Variants in INSRR observed in about 807,000 individuals in gnomAD.
The protein encoded by INSRR is insulin receptor related receptor.
A neutral mutation model predicts 130.0 loss-of-function variants in INSRR; 114 were observed. The ratio of observed to expected loss-of-function variants is 0.88; its 90% CI spans 0.75 to 1.02. The LOEUF is 1.02. INSRR is among the 50% of genes least tolerant of loss of function. The probability of loss-of-function intolerance (pLI) is 0.00; values close to 1 mark genes in which losing one functional copy is unlikely to be tolerated. For synonymous variants in INSRR, 674 were observed against 705.2 expected, an observed-to-expected ratio of 0.96 and a Z score of 0.70; for missense variants, 1,657 against 1,735.2, an observed-to-expected ratio of 0.95 and a Z score of 0.80.
rs754225918 is a variant in INSRR at position 156,854,105 on chromosome 1, C to T, written c.284G>A (p.Arg95His). The T allele has an allele frequency of 3.2e-5, 51 of 1,613,980 alleles. No individual in the cohort carries two copies. The highest frequency in any genetic ancestry group is 1.6e-4 in the Middle Eastern group (1 of 6,084). Residue 95 changes from arginine (R) to histidine (H), a missense_variant, in exon 2 of 22, where the codon CGC (arginine) becomes CAC (histidine). By Grantham distance (29) the Arg-to-His change is conservative. Coordinates refer to ENST00000368195, the MANE Select transcript of INSRR (RefSeq NM_014215.3). This position sits in a 1 kb window ranked among gnomAD's most constrained non-coding sequence, Gnocchi z 4.2. ...GACTGCTAGGTTGGGGAAGAGGTCG[C>T]GCAGGCTCTCCAGTCCGTAGACACG... ...LFRVYGLESL[R>H]DLFPNLAVIR... is the part of the protein sequence containing the mutation.
intron 19 of INSRR, 97 bp downstream of exon 19, chr1:156,842,015 A>G: frequency 6.3e-7 from 1 of 1,585,742 alleles, no homozygotes; most frequent in African/African-American, 1.3e-5. Context: ...AGGGTCTCAC[A>G]GGCTGTCAGG....
chr1:156,842,973 G>T, intron 17 of INSRR, 31 bp downstream of exon 17: 4 of 1,530,628 alleles, frequency 2.6e-6, no homozygotes, highest in South Asian at 2.3e-5. Flanking sequence ...CACTAATTAT[G>T]ACCCTGACAA....
At position 156,852,207 on chromosome 1, in the gene INSRR, T is replaced by C; in HGVS notation, c.638-16A>G. ...CAGGGGCACACTGTGGGGAGAGTGG[T>C]GTGTTAGACGTTGGCCATGCCCCCT... On this transcript the variant is annotated splice_polypyrimidine_tract_variant and intron_variant, in intron 2 of 21. Transcript: ENST00000368195. 1.3e-6 allele frequency: 2 copies of C among 1,568,870 alleles called. No homozygotes were observed. Among genetic ancestry groups the C allele is most frequent in the African/African-American group, 1.3e-5 (1 of 74,426 alleles).
rs767744785 is a variant in INSRR at position 156,845,363 on chromosome 1, C to A, written c.2216+9G>T. ...CACGCCCCTCAGCACCTGCCCTAGT[C>A]CTGCTCACCTTTGGGGGCTCTTGTT... On this transcript the variant is annotated intron_variant, in intron 11 of 21. Coordinates refer to ENST00000368195, the MANE Select transcript of INSRR (RefSeq NM_014215.3). 2.1e-5 allele frequency: 33 copies of A among 1,593,030 alleles called. No individual in the cohort carries two copies. The highest frequency in any genetic ancestry group is 2.2e-5 in the Non-Finnish European group (26 of 1,168,068).
intron 1 of INSRR, among the ~76,000 whole-genome samples, chr1:156,855,329 G>A (rs1418137968): frequency 2.6e-5 from 4 of 151,996 alleles, no homozygotes; most frequent in Non-Finnish European, 5.9e-5. Flanking sequence ...TCAGCCTCCC[G>A]AGTAGCTGGG....
Position 156,845,192 on chromosome 1 carries a change from A to G in INSRR, c.2321T>C (p.Leu774Pro), listed in dbSNP as rs1253356915. The G allele has an allele frequency of 6.2e-7, 1 of 1,610,056 alleles. No individual in the cohort carries two copies. Among genetic ancestry groups the G allele is most frequent in the South Asian group, 1.1e-5 (1 of 90,338 alleles). ...TTCCGTGAAGTGGCGCAGGCCGCTC[A>G]GCACCGCTCGCTCACGGGGCACCTT... ...EDKVPRERAVLSGLRHFTEYR... is the reference protein window; with the variant it reads ...EDKVPRERAVPSGLRHFTEYR... The change falls in exon 12 of 22, where the codon CTG (leucine) becomes CCG (proline). Residue 774 changes from leucine (L) to proline (P), a missense_variant. Coordinates refer to ENST00000368195, the MANE Select transcript of INSRR (RefSeq NM_014215.3).
chr1:156,851,770 G>C lies in INSRR; in HGVS notation c.960C>G (p.Cys320Trp), dbSNP rs531765692. The C allele has an allele frequency of 3.7e-6, 6 of 1,610,614 alleles. No individual in the cohort carries two copies. Among genetic ancestry groups the C allele is most frequent in the Middle Eastern group, 1.6e-4 (1 of 6,074 alleles). The part of the protein sequence containing the change: ...RNSSSIFCHK[C>W]EGLCPKECKV... ...TGCACTCTTTAGGGCACAGCCCCTC[G>C]CACTTGTGGCAGAATATGCTAGCAG... is the stretch of plus-strand genomic sequence containing the variant. The change falls in exon 4 of 22, where the codon TGC becomes TGG. Residue 320 changes from cysteine (C) to tryptophan (W), a missense_variant. Coordinates refer to ENST00000368195, the MANE Select transcript of INSRR (RefSeq NM_014215.3).
At chr1:156,855,288 C>A (rs1227418179) in intron 1 of INSRR, among the ~76,000 whole-genome samples, 1 of 152,070 alleles carries the variant, frequency 6.6e-6, no homozygotes, top group Non-Finnish European at 1.5e-5. Context: ...ACTGCAGCCT[C>A]CATCTCCTGA....
chr1:156,843,119 C>G lies in INSRR; in HGVS notation c.3011G>C (p.Gly1004Ala), dbSNP rs1482794460. 6.2e-7 allele frequency: 1 copy of G among 1,614,046 alleles called. No homozygotes were observed. Among genetic ancestry groups the G allele is most frequent in the Non-Finnish European group, 8.5e-7 (1 of 1,180,040 alleles). ...CAGGGCCACGGGTGTGGACTCCTCT[C>G]CAGCCTCAAGTCCTCGTGCCAGCCC... ...YEGLARGLEA[G>A]EESTPVALKT... Residue 1004 changes from glycine (G) to alanine (A), a missense_variant, in exon 17 of 22, where the codon GGA (glycine) becomes GCA (alanine). Transcript: ENST00000368195.
chr1:156,851,846 C>A, intron 3 of INSRR, 42 bp downstream of exon 3: 1 of 1,576,688 alleles, frequency 6.3e-7, no homozygotes, highest in Non-Finnish European at 8.6e-7. Flanking sequence ...CCTCAGGCCT[C>A]CTCACTGCTC....
chr1:156,848,781 T>C, intron 7 of INSRR, 140 bp downstream of exon 7: 3 of 995,592 alleles, frequency 3.0e-6, no homozygotes, highest in Admixed American at 2.7e-5. Context: ...ACCTGGGCCC[T>C]ACCACGGAGT....
intron 7 of INSRR, 118 bp downstream of exon 7, chr1:156,848,803 G>A: frequency 7.9e-7 from 1 of 1,263,078 alleles, no homozygotes; most frequent in Non-Finnish European, 1.1e-6. Context: ...CAACTTGCGG[G>A]TCCTGGCTTC....
rs540004085 is a variant in INSRR at position 156,846,100 on chromosome 1, G to A, written c.1830C>T (p.Asp610=). 1.5e-5 allele frequency: 24 copies of A among 1,604,390 alleles called. No individual in the cohort carries two copies. In the South Asian group the frequency reaches 2.3e-4, roughly 16 times the overall value. The change falls in exon 9 of 22, where the codon GAC becomes GAT. Residue 610 remains aspartate (D), a synonymous_variant. Transcript: ENST00000368195. ...AGGAGGAGTTGGACGTGGAGATGAC[G>A]TCTTGGGGCACCGTGGGAGCTAGGA... ...TLPAAPTVPQ[D]VISTSNSSSH...
At chr1:156,845,446 G>C in intron 10 of INSRR, 33 bp from the exon 11 acceptor site, 1 of 1,528,824 alleles carries the variant, frequency 6.5e-7, no homozygotes, top group Non-Finnish European at 8.8e-7. Flanking sequence ...TATCAGGCCT[G>C]TCCGGATGCA....
At chr1:156,853,156 T>C (rs1165985779) in intron 2 of INSRR, among the ~76,000 whole-genome samples, 1 of 152,148 alleles carries the variant, frequency 6.6e-6, no homozygotes, top group Non-Finnish European at 1.5e-5. Flanking sequence ...GTTCAGTTCT[T>C]CATTGATCAT....
Position 156,845,638 on chromosome 1 carries a change from T to C in INSRR, c.2155A>G (p.Asn719Asp), listed in dbSNP as rs780226760. The C allele has an allele frequency of 6.2e-7, 1 of 1,607,650 alleles. No homozygotes were observed. The highest frequency in any genetic ancestry group is 8.5e-7 in the Non-Finnish European group (1 of 1,176,804). The change falls in exon 10 of 22, where the codon AAC becomes GAC. Residue 719 changes from asparagine to aspartate, a missense_variant. Coordinates refer to ENST00000368195, the MANE Select transcript of INSRR (RefSeq NM_014215.3). Reference protein sequence around the residue: ...FQKKFENFLHNAITIPISPWK... With the variant: ...FQKKFENFLHDAITIPISPWK... ...TCGCACATGGGGATGGTGATCGCGT[T>C]GTGTAGAAAGTTTTCAAACTTCTTC...
Position 156,854,198 on chromosome 1 carries a change from G to A in INSRR, c.191C>T (p.Thr64Ile), listed in dbSNP as rs1382097356. Reference protein sequence around the residue: ...HLQILLMFTATGEDFRGLSFP... With the variant: ...HLQILLMFTAIGEDFRGLSFP... ...GCTGAGGCCGCGGAAGTCCTCCCCG[G>A]TGGCTGTGAACATGAGCAGGATCTG... Residue 64 changes from threonine (T) to isoleucine (I), a missense_variant, in exon 2 of 22, where the codon ACC becomes ATC. Physicochemically the swap from Thr to Ile is moderately conservative, Grantham distance 89. Transcript: ENST00000368195. The surrounding 1 kb of genome is among the most constrained non-coding windows in gnomAD (Gnocchi z 4.2). The A allele has an allele frequency of 6.2e-7, 1 of 1,614,096 alleles. No homozygotes were observed.
intron 17 of INSRR, 131 bp downstream of exon 17, chr1:156,842,873 C>T (rs974754999): frequency 1.5e-5 from 11 of 727,184 alleles, no homozygotes; most frequent in East Asian, 2.7e-5. Flanking sequence ...ACCTTTACCC[C>T]AATTAGGATC....
rs1184553199 is a variant in INSRR at position 156,841,103 on chromosome 1, G to A, written c.3664C>T (p.Gln1222Ter). 6.4e-7 allele frequency: 1 copy of A among 1,556,910 alleles called. No individual in the cohort carries two copies. The highest frequency in any genetic ancestry group is 8.7e-7 in the Non-Finnish European group (1 of 1,149,912). ...TGCCAGCAGCGGCTCATCAGCTCCT[G>A]CCTGGTGGGTGTGGGGAGCAGGGTC... ...EELEGCPLQL[Q>*]ELMSRCWQPN... The change falls in exon 22 of 22, where the codon CAG (glutamine) becomes TAG (stop). Residue 1222 changes from glutamine (Q) to a stop codon, truncating the protein, a stop_gained and splice_region_variant. Coordinates refer to ENST00000368195, the MANE Select transcript of INSRR (RefSeq NM_014215.3). LOFTEE classifies it high-confidence loss of function.
Sources: gnomAD v4.1 joint callset for allele counts (sites outside exome capture counted in the v4.1 genomes callset) on GRCh38, gnomAD v4.1.1 for gene constraint, Gnocchi (gnomAD v3.1) non-coding constraint, MANE v1.5 for transcripts, NCBI Gene and HGNC (gene_info 2026-07-23, HGNC 2026-07-21) for gene names.